Variants in MECOM observed in about 807,000 individuals in gnomAD.
MECOM encodes MDS1 and EVI1 complex locus, also known as histone-lysine N-methyltransferase MECOM.
In MECOM, 13 loss-of-function variants were observed where a neutral mutation model predicts 116.3. The observed-to-expected ratio is 0.11, with a 90% confidence interval of 0.07 to 0.18. The LOEUF is 0.18. Ranked by LOEUF, MECOM falls within the 10% of genes least tolerant of loss-of-function variation. MECOM has a pLI of 1.00. For synonymous variants in MECOM, 528 were observed against 535.2 expected (o/e 0.99, Z 0.19); for missense variants, 1,299 against 1,509.0 (o/e 0.86, Z 2.31).
chr3:169,592,016 T>C (rs1766480694), intron 1 of MECOM, among the ~76,000 whole-genome samples: 1 of 152,202 alleles, frequency 6.6e-6, no homozygotes, highest in Non-Finnish European at 1.5e-5. Flanking sequence ...CTGTTTACAC[T>C]TTCAGAAGGA....
chr3:169,373,355 T>TA (rs1205643578), intron 2 of MECOM, among the ~76,000 whole-genome samples: 1 of 152,032 alleles, frequency 6.6e-6, no homozygotes, highest in East Asian at 1.9e-4. Context: ...CTTATTTCTC[T>TA]AACATATAAA....
At chr3:169,139,626 A>G (rs1207200577) in intron 3 of MECOM, among the ~76,000 whole-genome samples, 2 of 152,126 alleles carry the variant, frequency 1.3e-5, no homozygotes, top group Non-Finnish European at 2.9e-5. Flanking sequence ...GATTATTACC[A>G]ATATGTTTTC....
In MECOM at chr3:169,191,683, G is replaced by T. The variant is rs972734096; in HGVS notation, c.376-47851C>A. Among the ~76,000 whole-genome samples, 3 of 136,796 alleles carry T rather than the reference G, an allele frequency of 2.2e-5. No homozygotes were observed. The East Asian group carries it at 6.7e-4, about 31-fold the overall frequency. The allele number at this position is 136,796 out of a possible 152,430, so 89.7% of individuals were successfully genotyped here. A position where few individuals can be genotyped will look rare whatever the true frequency, so the allele number is the denominator to read the frequency against. On this transcript the variant is annotated intron_variant, in intron 2 of 16. Transcript: ENST00000651503. ...GGAAAAAACAGAGAGAAAGAAGAAG[G>T]AAAGAAAAAGAGATAGAAAAGAAAG...
chr3:169,472,931 T>C (rs1749789730), intron 1 of MECOM: 1 of 973,714 alleles, frequency 1.0e-6, no homozygotes, highest in Non-Finnish European at 1.2e-6. Context: ...ATCAAAATAT[T>C]TACTAGGCCC....
At chr3:169,268,028 G>A (rs1035855627) in intron 2 of MECOM, among the ~76,000 whole-genome samples, 10 of 152,108 alleles carry the variant, frequency 6.6e-5, no homozygotes, top group African/African-American at 1.2e-4. Flanking sequence ...TAGTTATTAC[G>A]TTATTCACAA....
chr3:169,559,192 AAAT>A (rs2109352696), intron 1 of MECOM, among the ~76,000 whole-genome samples: 1 of 152,320 alleles, frequency 6.6e-6, no homozygotes, highest in African/African-American at 2.4e-5. Context: ...CTTTGCATAG[AAAT>A]AATGTTATAA....
intron 2 of MECOM, among the ~76,000 whole-genome samples, chr3:169,238,578 T>C (rs1029399222): frequency 2.0e-5 from 3 of 152,096 alleles, no homozygotes; most frequent in Non-Finnish European, 2.9e-5. Context: ...GAACAAACCA[T>C]TGAATAAAAT....
chr3:169,335,342 G>A (rs1320345501), intron 2 of MECOM, among the ~76,000 whole-genome samples: 2 of 152,118 alleles, frequency 1.3e-5, no homozygotes, highest in African/African-American at 4.8e-5. Context: ...TAGGAAAGAA[G>A]GCATTTTCTG....
Position 169,499,892 on chromosome 3 carries a change from G to A in MECOM, c.38-118368C>T, listed in dbSNP as rs921574482. Among the ~76,000 whole-genome samples, 5 of 152,046 alleles carry A rather than the reference G, an allele frequency of 3.3e-5. No individual in the cohort carries two copies. The East Asian group carries it at 9.6e-4, about 29-fold the overall frequency. ...ATTAAGGGTAACCAATAGAGGAAAA[G>A]CAAGAATAAAAATACACAGCTTGGT... On this transcript the variant is annotated intron_variant, in intron 1 of 16. Coordinates refer to ENST00000651503, the MANE Select transcript of MECOM (RefSeq NM_004991.4).
chr3:169,308,343 G>A (rs2085169235), intron 2 of MECOM, among the ~76,000 whole-genome samples: 1 of 152,072 alleles, frequency 6.6e-6, no homozygotes, highest in Admixed American at 6.6e-5. Context: ...CTGAATATTG[G>A]TATTTACAGA....
chr3:169,410,460 ACC>A (rs1422005481), intron 1 of MECOM, among the ~76,000 whole-genome samples: 2 of 152,150 alleles, frequency 1.3e-5, no homozygotes, highest in Non-Finnish European at 2.9e-5. Flanking sequence ...TGTCCTTTGT[ACC>A]CTGATGCCTT....
At chr3:169,119,860 A>T (rs1000283038) in intron 7 of MECOM, among the ~76,000 whole-genome samples, 2 of 152,082 alleles carry the variant, frequency 1.3e-5, no homozygotes, top group Non-Finnish European at 2.9e-5. Flanking sequence ...TTAATCTGCT[A>T]GTCCTCTTCA....
intron 1 of MECOM, among the ~76,000 whole-genome samples, chr3:169,417,654 C>A (rs891463036): frequency 4.0e-5 from 6 of 151,662 alleles, no homozygotes; most frequent in African/African-American, 1.5e-4. Flanking sequence ...AAGACACATG[C>A]ACACGTATGT....
intron 1 of MECOM, among the ~76,000 whole-genome samples, chr3:169,564,587 G>C (rs1181197787): frequency 6.6e-6 from 1 of 152,052 alleles, no homozygotes; most frequent in Non-Finnish European, 1.5e-5. Context: ...TATAATTCAA[G>C]TGCCCCCCCA....
Position 169,367,349 on chromosome 3 carries a change from A to ATTTTT in MECOM, c.375+13833_375+13837dup, listed in dbSNP as rs3980666. On this transcript the variant is annotated intron_variant, in intron 2 of 16. Transcript: ENST00000651503. ...TAGAAAAGATGTGATTTGGTTTTTA[A>ATTTTT]TTTTTTTTTTGTGGGGGTAGGCAGA... Among the ~76,000 whole-genome samples the ATTTTT allele has an allele frequency of 6.8e-3, 1,027 of 150,404 alleles. 8 individuals are homozygous for ATTTTT. Among genetic ancestry groups the ATTTTT allele is most frequent in the African/African-American group, 0.023 (960 of 41,104 alleles).
intron 2 of MECOM, among the ~76,000 whole-genome samples, chr3:169,256,724 G>A (rs1353833183): frequency 6.6e-6 from 1 of 152,174 alleles, no homozygotes; most frequent in Non-Finnish European, 1.5e-5. Context: ...AGTAGAAAAA[G>A]GTTCAGTGAA....
At chr3:169,607,745 C>T (rs1371396965) in intron 1 of MECOM, among the ~76,000 whole-genome samples, 1 of 152,188 alleles carries the variant, frequency 6.6e-6, no homozygotes, top group Admixed American at 6.5e-5. Context: ...ATCTTAAATC[C>T]CTACACACCT....
At chr3:169,424,549 A>G (rs1740320482) in intron 1 of MECOM, among the ~76,000 whole-genome samples, 1 of 152,182 alleles carries the variant, frequency 6.6e-6, no homozygotes, top group African/African-American at 2.4e-5. Flanking sequence ...ATCATGTGAA[A>G]GAAGATGGTT....
At chr3:169,374,531 G>A (rs904626308) in intron 2 of MECOM, among the ~76,000 whole-genome samples, 2 of 151,956 alleles carry the variant, frequency 1.3e-5, no homozygotes, top group African/African-American at 4.8e-5. Flanking sequence ...GGGAAGCTAT[G>A]TAAATAATCT....
Sources: gnomAD v4.1 joint callset for allele counts (sites outside exome capture counted in the v4.1 genomes callset) on GRCh38, gnomAD v4.1.1 for gene constraint, MANE v1.5 for transcripts, NCBI Gene and HGNC (gene_info 2026-07-23, HGNC 2026-07-21) for gene names.